Variants in UNC13C observed in about 807,000 individuals in gnomAD.
UNC13C encodes the protein protein unc-13 homolog C.
UNC13C carries 174 observed loss-of-function variants against 245.4 expected under a neutral mutation model. That is an observed-to-expected ratio of 0.71 (90% confidence interval 0.63 to 0.80). The LOEUF (loss-of-function observed/expected upper bound fraction) is 0.80, where lower values mean the gene tolerates loss of function less well. UNC13C is among the 30% of genes least tolerant of loss of function. The pLI, the probability that UNC13C is intolerant of heterozygous loss-of-function variation, is 0.00. For missense variants in UNC13C, 2,829 were observed against 2,602.9 expected, an observed-to-expected ratio of 1.09 and a Z score of -1.89; for synonymous variants, 992 against 895.1, an observed-to-expected ratio of 1.11 and a Z score of -1.93.
chr15:54,419,003 A>G (rs937303181), intron 19 of UNC13C, among the ~76,000 whole-genome samples: 5 of 152,130 alleles, frequency 3.3e-5, no homozygotes, highest in East Asian at 1.9e-4. Context: ...CTTGTTTTGT[A>G]TATCTGGAGT....
At chr15:54,400,110 A>G (rs1264429877) in intron 18 of UNC13C, among the ~76,000 whole-genome samples, 1 of 151,982 alleles carries the variant, frequency 6.6e-6, no homozygotes, top group Non-Finnish European at 1.5e-5. Flanking sequence ...AACTTGAGAC[A>G]TTCTATCATT....
At chr15:53,922,434 G>A in the UNC13C span, among the ~76,000 whole-genome samples, 9 of 152,170 alleles carry the variant, frequency 5.9e-5, no homozygotes, top group Non-Finnish European at 1.3e-4. Flanking sequence ...ATGAAGAAAC[G>A]GAAGCCAATG....
At chr15:53,989,397 C>A (rs998486642) in intron 1 of UNC13C, among the ~76,000 whole-genome samples, 2 of 150,706 alleles carry the variant, frequency 1.3e-5, no homozygotes, top group Non-Finnish European at 3.0e-5. Context: ...GTAGGAAATT[C>A]GTGGATTTAA....
intron 30 of UNC13C, among the ~76,000 whole-genome samples, chr15:54,569,508 C>T (rs1240358144): frequency 6.6e-6 from 1 of 151,972 alleles, no homozygotes; most frequent in Non-Finnish European, 1.5e-5. Context: ...TTTCCATCCG[C>T]AGTTGGTTGA....
upstream of UNC13C, among the ~76,000 whole-genome samples, chr15:53,973,496 C>A (rs1218147175): frequency 1.3e-5 from 2 of 151,490 alleles, no homozygotes; most frequent in Non-Finnish European, 2.9e-5. Flanking sequence ...TGCTAAAGCC[C>A]AAATTGGAAA....
intron 17 of UNC13C, among the ~76,000 whole-genome samples, chr15:54,344,922 C>G (rs575462059): frequency 6.8e-6 from 1 of 147,886 alleles, no homozygotes; most frequent in Non-Finnish European, 1.5e-5. Context: ...ACCCCATCAT[C>G]TTATGTCTGT....
At chr15:54,377,908 T>G (rs1164295200) in intron 17 of UNC13C, among the ~76,000 whole-genome samples, 1 of 152,210 alleles carries the variant, frequency 6.6e-6, no homozygotes, top group African/African-American at 2.4e-5. Context: ...ATGGATTACA[T>G]TTTCATATCT....
chr15:54,043,136 T>C (rs899211346), intron 2 of UNC13C, among the ~76,000 whole-genome samples: 4 of 152,220 alleles, frequency 2.6e-5, no homozygotes, highest in East Asian at 1.9e-4. Flanking sequence ...TTTGAAATCA[T>C]ACATTTTTAA....
intron 1 of UNC13C, among the ~76,000 whole-genome samples, chr15:54,011,820 A>G (rs948650949): frequency 2.0e-5 from 3 of 152,206 alleles, no homozygotes; most frequent in Non-Finnish European, 4.4e-5. Context: ...AATCCCCTGC[A>G]GAGCCTGATT....
chr15:54,614,430 T>TA lies in UNC13C; in HGVS notation c.6107-7897_6107-7896insA, dbSNP rs148328168. On this transcript the variant is annotated intron_variant, in intron 30 of 32. Transcript: ENST00000260323. ...TGAATCCATAATTTCCCTGAAAATA[T>TA]GTAACTTTCCCCTGTAGCTGTTATA... 9.7e-3 allele frequency among the ~76,000 whole-genome samples: 1,481 copies of TA among 152,094 alleles called. 19 individuals are homozygous for TA. The highest frequency in any genetic ancestry group is 0.033 in the African/African-American group (1,379 of 41,544).
At chr15:54,389,468 A>T (rs116960710) in intron 17 of UNC13C, among the ~76,000 whole-genome samples, 1 of 152,244 alleles carries the variant, frequency 6.6e-6, no homozygotes, top group African/African-American at 2.4e-5. Flanking sequence ...GAGAACCACA[A>T]TCTTAGAGAA....
the UNC13C span, among the ~76,000 whole-genome samples, chr15:53,895,929 T>G: frequency 2.6e-5 from 4 of 151,902 alleles, no homozygotes; most frequent in African/African-American, 9.7e-5. Flanking sequence ...TAGGTAAGAT[T>G]GAGGCCACTT....
chr15:54,562,496 C>G (rs1437890788), intron 29 of UNC13C, among the ~76,000 whole-genome samples: 1 of 151,998 alleles, frequency 6.6e-6, no homozygotes, highest in East Asian at 1.9e-4. Flanking sequence ...GTTGTCCGCA[C>G]ATGGTCTTCC....
the UNC13C span, among the ~76,000 whole-genome samples, chr15:53,902,953 G>A: frequency 0.14 from 21,818 of 152,242 alleles, 1,782 homozygotes; most frequent in South Asian, 0.19. Flanking sequence ...GGTAGGGACA[G>A]TGGTGGGGCT....
chr15:54,317,325 C>T (rs572549512), intron 13 of UNC13C, among the ~76,000 whole-genome samples: 67 of 151,968 alleles, frequency 4.4e-4, no homozygotes, highest in African/African-American at 1.6e-3. Context: ...ATTTACATGA[C>T]GTTTCCTGAA....
chr15:54,462,358 T>G (rs1168934576), intron 19 of UNC13C, among the ~76,000 whole-genome samples: 1 of 152,232 alleles, frequency 6.6e-6, no homozygotes, highest in Non-Finnish European at 1.5e-5. Flanking sequence ...GTGGCCATGC[T>G]TGAGGAGCCC....
rs556852229 is a variant in UNC13C at position 54,150,339 on chromosome 15, C to A, written c.3071+6655C>A. On this transcript the variant is annotated intron_variant, in intron 4 of 32. Coordinates refer to ENST00000260323, the MANE Select transcript of UNC13C (RefSeq NM_001080534.3). ...CAATCATGCCACAAGGCAGTTACAGCTGCTCGAAAGGAGCCTCATGTGAGA... is the reference window on the plus strand; with the variant it reads ...CAATCATGCCACAAGGCAGTTACAGATGCTCGAAAGGAGCCTCATGTGAGA... 2.6e-5 allele frequency among the ~76,000 whole-genome samples: 4 copies of A among 152,352 alleles called. No individual in the cohort carries two copies. The South Asian group carries it at 8.3e-4, about 32-fold the overall frequency.
Position 54,013,559 on chromosome 15 carries a change from G to A in UNC13C, c.656G>A (p.Arg219Gln), listed in dbSNP as rs201395941. Residue 219 changes from arginine to glutamine, a missense_variant, in exon 2 of 33, where the codon CGA (arginine) becomes CAA (glutamine). Transcript: ENST00000260323. ...IRSKSLDRTV[R>Q]NPKTNALEPG... is the part of the protein sequence containing the mutation. ...AGTAAGTCTTTGGACAGAACTGTCC[G>A]AAACCCAAAGACAAATGCCCTGGAG... is the stretch of plus-strand genomic sequence containing the variant. 2.8e-5 allele frequency: 45 copies of A among 1,613,772 alleles called. No individual in the cohort carries two copies. The highest frequency in any genetic ancestry group is 1.7e-4 in the Middle Eastern group (1 of 6,058).
At chr15:54,085,443 T>A (rs1595831141) in intron 2 of UNC13C, among the ~76,000 whole-genome samples, 1 of 152,160 alleles carries the variant, frequency 6.6e-6, no homozygotes, top group African/African-American at 2.4e-5. Context: ...CAGGCCAGAC[T>A]TCTAAGAAGC....
Sources: gnomAD v4.1 joint callset for allele counts (sites outside exome capture counted in the v4.1 genomes callset) on GRCh38, gnomAD v4.1.1 for gene constraint, MANE v1.5 for transcripts, NCBI Gene and HGNC (gene_info 2026-07-23, HGNC 2026-07-21) for gene names.